Variants in ADAMTS2 observed in about 807,000 individuals in gnomAD.
ADAMTS2 encodes the protein ADAM metallopeptidase with thrombospondin type 1 motif 2.
Under a neutral mutation model 123.0 loss-of-function variants are expected in ADAMTS2, and 50 were observed. The ratio of observed to expected loss-of-function variants is 0.41; its 90% CI spans 0.32 to 0.51. The LOEUF is 0.51. ADAMTS2 is among the 20% of genes least tolerant of loss of function. ADAMTS2 has a pLI of 0.35. For missense variants in ADAMTS2, 1,494 were observed against 1,705.2 expected (o/e 0.88, Z 2.18); for synonymous variants, 678 against 695.4 (o/e 0.98, Z 0.39).
At position 179,300,946 on chromosome 5, in the gene ADAMTS2, A is replaced by G. The variant is rs1041544745; in HGVS notation, c.535-27882T>C. Among the ~76,000 whole-genome samples the G allele has an allele frequency of 9.2e-5, 14 of 152,278 alleles. 2 individuals carry two copies. The highest frequency in any genetic ancestry group is 7.8e-4 in the Admixed American group (12 of 15,290). On this transcript the variant is annotated intron_variant, in intron 2 of 21. Transcript: ENST00000251582. Reference sequence around the variant, plus strand: ...AAAAGTCGGAGAGGTCCCGCAGGACAGAGGCCGGAGGATGTCCCCACACAC... The same window carrying G: ...AAAAGTCGGAGAGGTCCCGCAGGACGGAGGCCGGAGGATGTCCCCACACAC...
chr5:179,255,396 G>A (rs536169920), intron 3 of ADAMTS2, among the ~76,000 whole-genome samples: 6 of 152,288 alleles, frequency 3.9e-5, no homozygotes, highest in East Asian at 3.9e-4. Context: ...GGGCAGAATC[G>A]GTCATGCTTG....
At chr5:179,131,630 T>G (rs1762964479) in intron 15 of ADAMTS2, among the ~76,000 whole-genome samples, 1 of 151,770 alleles carries the variant, frequency 6.6e-6, no homozygotes, top group African/African-American at 2.4e-5. Context: ...AGAGGGAGGG[T>G]GGACAGGTCC....
In ADAMTS2 at chr5:179,324,381, CTTTA is replaced by C. The variant is rs1456384827; in HGVS notation, c.534+19382_534+19385del. ...TTTAAAAGCATGTGTATGTTGATAG[CTTTA>C]TTTTTCTCTTTTTTTTTTTTTTTGA... On this transcript the variant is annotated intron_variant, in intron 2 of 21. Transcript: ENST00000251582. Among the ~76,000 whole-genome samples the C allele has an allele frequency of 4.2e-5, 6 of 141,842 alleles. 1 individual carries two copies. The highest frequency in any genetic ancestry group is 8.2e-5 in the African/African-American group (3 of 36,716). The allele number at this position is 141,842 out of a possible 152,430, so 93.1% of individuals were successfully genotyped here. A position where few individuals can be genotyped will look rare whatever the true frequency, so the allele number is the denominator to read the frequency against.
chr5:179,307,456 G>A lies in ADAMTS2; in HGVS notation c.535-34392C>T, dbSNP rs965655544. 2.0e-5 allele frequency among the ~76,000 whole-genome samples: 3 copies of A among 152,260 alleles called. No individual in the cohort carries two copies. The highest frequency in any genetic ancestry group is 1.9e-4 in the East Asian group (1 of 5,162). ...GGGCACCACCACGCAGGGGCTTCCCGGGTCATGCTGCACCATCCACTAATA... is the reference window on the plus strand; with the variant it reads ...GGGCACCACCACGCAGGGGCTTCCCAGGTCATGCTGCACCATCCACTAATA... On this transcript the variant is annotated intron_variant, in intron 2 of 21. Transcript: ENST00000251582. The surrounding 1 kb of genome is among the most constrained non-coding windows in gnomAD (Gnocchi z 5.6).
Position 179,164,817 on chromosome 5 carries a change from C to A in ADAMTS2, c.976-5938G>T, listed in dbSNP as rs1226586489. Among the ~76,000 whole-genome samples, 5 of 152,320 alleles carry A rather than the reference C, an allele frequency of 3.3e-5. 1 individual carries two copies. The South Asian group carries it at 1.0e-3, about 32-fold the overall frequency. On this transcript the variant is annotated intron_variant, in intron 5 of 21. Coordinates refer to ENST00000251582, the MANE Select transcript of ADAMTS2 (RefSeq NM_014244.5). Reference sequence around the variant, plus strand: ...TGCCTGGTGGCAGCACCCAAAACAACCATCCGCAAACTCAGGCTCATGCAC... The same window carrying A: ...TGCCTGGTGGCAGCACCCAAAACAAACATCCGCAAACTCAGGCTCATGCAC...
intron 5 of ADAMTS2, among the ~76,000 whole-genome samples, chr5:179,172,430 A>C (rs1472187323): frequency 6.6e-6 from 1 of 152,242 alleles, no homozygotes; most frequent in Non-Finnish European, 1.5e-5. Flanking sequence ...TTCTGCAGGC[A>C]AGGCGCATGA....
rs1428035440 is a variant in ADAMTS2 at position 179,307,679 on chromosome 5, G to A, written c.535-34615C>T. The stretch of plus-strand genomic sequence containing the variant: ...TTTCTCCTTCACTCAAGTGCCAGCC[G>A]TGGAGATCTCCTCTGTGTCCTTGGC... On this transcript the variant is annotated intron_variant, in intron 2 of 21. Transcript: ENST00000251582. The surrounding 1 kb of genome is among the most constrained non-coding windows in gnomAD (Gnocchi z 5.6). Among the ~76,000 whole-genome samples the A allele has an allele frequency of 6.6e-6, 1 of 152,078 alleles. No homozygotes were observed. Among genetic ancestry groups the A allele is most frequent in the Non-Finnish European group, 1.5e-5 (1 of 68,014 alleles).
rs181667493 is a variant in ADAMTS2 at position 179,202,516 on chromosome 5, G to A, written c.891+4997C>T. On this transcript the variant is annotated intron_variant, in intron 4 of 21. Transcript: ENST00000251582. This position sits in a 1 kb window ranked among gnomAD's most constrained non-coding sequence, Gnocchi z 4.0. ...CCTGTTTGTTTTTCACTTCAGTATC[G>A]TCTGTGCCTCCCTTCCCAGAATGCA... 6.3e-4 allele frequency among the ~76,000 whole-genome samples: 96 copies of A among 151,996 alleles called. No homozygotes were observed. The highest frequency in any genetic ancestry group is 2.2e-3 in the African/African-American group (93 of 41,438).
chr5:179,206,185 G>A (rs1764688396), intron 4 of ADAMTS2, among the ~76,000 whole-genome samples: 1 of 152,204 alleles, frequency 6.6e-6, no homozygotes. Context: ...GGATAAGGCT[G>A]GGCTCCAGAG....
rs970790745 is a variant in ADAMTS2, at chr5:179,115,880, C to A, written c.3179-1556G>T. 1.3e-5 allele frequency among the ~76,000 whole-genome samples: 2 copies of A among 152,164 alleles called. No individual in the cohort carries two copies. The highest frequency in any genetic ancestry group is 2.9e-5 in the Non-Finnish European group (2 of 68,038). On this transcript the variant is annotated intron_variant, in intron 21 of 21. Coordinates refer to ENST00000251582, the MANE Select transcript of ADAMTS2 (RefSeq NM_014244.5). The surrounding 1 kb of genome is among the most constrained non-coding windows in gnomAD (Gnocchi z 4.4). The stretch of plus-strand genomic sequence containing the variant: ...TGCTTCTTAATGGCCACTGCTCCAG[C>A]CTGTAATTTTCCCTTAGAAGCTGGT...
chr5:179,124,969 G>GT lies in ADAMTS2; in HGVS notation c.2958+3dup. The GT allele has an allele frequency of 6.4e-7, 1 of 1,550,964 alleles. No homozygotes were observed. Among genetic ancestry groups the GT allele is most frequent in the Non-Finnish European group, 8.7e-7 (1 of 1,155,472 alleles). On this transcript the variant is annotated splice_donor_region_variant and intron_variant, in intron 19 of 21. Coordinates refer to ENST00000251582, the MANE Select transcript of ADAMTS2 (RefSeq NM_014244.5). ...TGAGGACACGGGATCGGGGGATTGC[G>GT]TACCTGGGACCAGGGCCCGGCTCGC...
chr5:179,291,443 G>A (rs1756186416), intron 2 of ADAMTS2, among the ~76,000 whole-genome samples: 1 of 152,170 alleles, frequency 6.6e-6, no homozygotes, highest in Admixed American at 6.5e-5. Flanking sequence ...GGAAGCTGTT[G>A]CCCTGCAATG....
At chr5:179,254,160 C>T (rs61555387) in intron 3 of ADAMTS2, among the ~76,000 whole-genome samples, 14,834 of 152,226 alleles carry the variant, frequency 0.097, 2,244 homozygotes, top group African/African-American at 0.33. Context: ...CATACACACA[C>T]GCTGCTGCCT....
At chr5:179,187,556 C>A (rs747076788) in intron 4 of ADAMTS2, among the ~76,000 whole-genome samples, 11 of 152,178 alleles carry the variant, frequency 7.2e-5, no homozygotes, top group South Asian at 2.1e-4. Context: ...AGGCCTGTGA[C>A]CCCTCTCATG....
intron 10 of ADAMTS2, among the ~76,000 whole-genome samples, chr5:179,141,643 A>G (rs1252925093): frequency 6.6e-6 from 1 of 151,912 alleles, no homozygotes; most frequent in Non-Finnish European, 1.5e-5. Context: ...GCCCTCCCCC[A>G]TTCCTGCCCT....
intron 13 of ADAMTS2, among the ~76,000 whole-genome samples, chr5:179,135,509 C>T (rs1273751311): frequency 2.0e-5 from 3 of 152,236 alleles, no homozygotes; most frequent in African/African-American, 7.2e-5. Flanking sequence ...ACAGTGGCCA[C>T]CCAGATCCAG....
chr5:179,330,947 T>C (rs2127459367), intron 2 of ADAMTS2, among the ~76,000 whole-genome samples: 1 of 152,304 alleles, frequency 6.6e-6, no homozygotes, highest in Admixed American at 6.5e-5. Flanking sequence ...CAATTCACCC[T>C]GCTTGTACAG....
At chr5:179,205,796 G>T (rs1266685583) in intron 4 of ADAMTS2, among the ~76,000 whole-genome samples, 1 of 79,592 alleles carries the variant, frequency 1.3e-5, no homozygotes, top group Non-Finnish European at 2.8e-5. Context: ...TTTTGAGACG[G>T]AGTCTCGCTC....
chr5:179,210,486 G>T (rs1054583910), intron 3 of ADAMTS2, among the ~76,000 whole-genome samples: 1 of 152,236 alleles, frequency 6.6e-6, no homozygotes, highest in African/African-American at 2.4e-5. Context: ...TATTTTAATC[G>T]TGATAATTTT....
Sources: allele counts gnomAD v4.1 joint callset (sites outside exome capture counted in the v4.1 genomes callset), GRCh38; gene constraint gnomAD v4.1.1; non-coding constraint Gnocchi (gnomAD v3.1); transcripts MANE v1.5; gene names NCBI Gene and HGNC (gene_info 2026-07-23, HGNC 2026-07-21).